RALYL: variants seen among roughly 807,000 people sequenced by gnomAD.
RALYL encodes the protein RNA-binding Raly-like protein.
Under a neutral mutation model 35.1 loss-of-function variants are expected in RALYL, and 29 were observed. That is an observed-to-expected ratio of 0.83 (90% CI 0.61 to 1.13). The LOEUF is 1.13. Ranked by LOEUF, RALYL falls within the 50% of genes most tolerant of loss-of-function variation. The pLI is 0.00. For missense variants in RALYL, 359 were observed against 360.4 expected, an observed-to-expected ratio of 1.00 and a Z score of 0.03; for synonymous variants, 120 against 127.6, an observed-to-expected ratio of 0.94 and a Z score of 0.40.
At chr8:84,378,516 C>A (rs1012330136) in intron 1 of RALYL, among the ~76,000 whole-genome samples, 10 of 151,716 alleles carry the variant, frequency 6.6e-5, no homozygotes, top group Non-Finnish European at 1.5e-5. Context: ...AACTAGTATA[C>A]CCCTGAAAAC....
intron 6 of RALYL, among the ~76,000 whole-genome samples, chr8:84,870,818 T>C (rs1476800867): frequency 6.6e-6 from 1 of 152,108 alleles, no homozygotes; most frequent in Non-Finnish European, 1.5e-5. Context: ...ATAGTGACTC[T>C]GCATGAAGAA....
chr8:84,476,807 A>G (rs947552454), intron 1 of RALYL, among the ~76,000 whole-genome samples: 13 of 152,204 alleles, frequency 8.5e-5, no homozygotes, highest in Admixed American at 7.9e-4. Flanking sequence ...GCACAACATT[A>G]AGGAGAAGTT....
chr8:84,671,620 T>C (rs1417412032), intron 2 of RALYL, among the ~76,000 whole-genome samples: 2 of 152,196 alleles, frequency 1.3e-5, no homozygotes, highest in Non-Finnish European at 2.9e-5. Context: ...CTGCCACAGC[T>C]TGGGGCTTCC....
intron 4 of RALYL, among the ~76,000 whole-genome samples, chr8:84,836,918 A>T (rs1234787238): frequency 1.3e-5 from 2 of 152,220 alleles, no homozygotes. Context: ...AAGAGAGAGA[A>T]TAATCTCCAT....
At chr8:84,395,700 C>T (rs1016545622) in intron 1 of RALYL, among the ~76,000 whole-genome samples, 2 of 149,616 alleles carry the variant, frequency 1.3e-5, no homozygotes, top group Non-Finnish European at 3.0e-5. Context: ...TAGGTAGAGT[C>T]TAATAACAGA....
At chr8:84,339,574 T>G (rs1848412233) in intron 1 of RALYL, among the ~76,000 whole-genome samples, 1 of 151,924 alleles carries the variant, frequency 6.6e-6, no homozygotes, top group Non-Finnish European at 1.5e-5. Context: ...TATATTACAA[T>G]GTAATAATAA....
At chr8:84,777,301 G>A (rs867405571) in intron 3 of RALYL, among the ~76,000 whole-genome samples, 1 of 152,134 alleles carries the variant, frequency 6.6e-6, no homozygotes, top group Non-Finnish European at 1.5e-5. Context: ...AACACAGATA[G>A]GGAAAGTAGA....
intron 1 of RALYL, among the ~76,000 whole-genome samples, chr8:84,266,135 A>G (rs941278401): frequency 3.3e-5 from 5 of 152,000 alleles, no homozygotes; most frequent in Non-Finnish European, 5.9e-5. Context: ...ATCTCAGTAT[A>G]TTTCTACAGA....
intron 1 of RALYL, among the ~76,000 whole-genome samples, chr8:84,438,829 T>C (rs2048020708): frequency 6.6e-6 from 1 of 152,178 alleles, no homozygotes; most frequent in Non-Finnish European, 1.5e-5. Flanking sequence ...GCACCATTGA[T>C]TGAAAATGAA....
intron 1 of RALYL, among the ~76,000 whole-genome samples, chr8:84,279,991 A>G (rs1361854745): frequency 2.0e-5 from 3 of 152,214 alleles, no homozygotes; most frequent in African/African-American, 7.2e-5. Context: ...GAGTGAATAT[A>G]GATAACAGAA....
chr8:84,526,421 T>C (rs1374408464), intron 1 of RALYL, among the ~76,000 whole-genome samples: 3 of 152,196 alleles, frequency 2.0e-5, no homozygotes, highest in Non-Finnish European at 4.4e-5. Context: ...CTCACCCTTC[T>C]GATGCCTAAA....
At chr8:84,501,853 A>G (rs946003294) in intron 1 of RALYL, among the ~76,000 whole-genome samples, 2 of 150,308 alleles carry the variant, frequency 1.3e-5, no homozygotes, top group Non-Finnish European at 3.0e-5. Flanking sequence ...TCCTAAGCCT[A>G]TATATAATAT....
chr8:84,263,414 T>A (rs774174068), intron 1 of RALYL, among the ~76,000 whole-genome samples: 1 of 152,192 alleles, frequency 6.6e-6, no homozygotes, highest in Non-Finnish European at 1.5e-5. Flanking sequence ...ATTACTTGTA[T>A]GTTGTGACAT....
At chr8:84,815,002 C>T (rs1156613994) in intron 4 of RALYL, among the ~76,000 whole-genome samples, 1 of 152,328 alleles carries the variant, frequency 6.6e-6, no homozygotes, top group East Asian at 1.9e-4. Context: ...GTGCTTTCAT[C>T]CACCTCCATT....
intron 1 of RALYL, among the ~76,000 whole-genome samples, chr8:84,513,316 GT>G (rs1318162775): frequency 6.6e-6 from 1 of 151,926 alleles, no homozygotes; most frequent in East Asian, 1.9e-4. Context: ...TTTTTAGCTA[GT>G]TTGTTATTAT....
At position 84,679,658 on chromosome 8, in the gene RALYL, G is replaced by C. The variant is rs1249236928; in HGVS notation, c.257-94921G>C. The C allele has an allele frequency of 4.9e-5, 24 of 494,454 alleles. 1 individual carries two copies. Among genetic ancestry groups the C allele is most frequent in the South Asian group, 3.4e-4 (22 of 65,082 alleles). The allele number at this position is 494,454 out of a possible 1,614,324, so 30.6% of individuals were successfully genotyped here. A position where few individuals can be genotyped will look rare whatever the true frequency, so the allele number is the denominator to read the frequency against. On this transcript the variant is annotated intron_variant, in intron 2 of 8. Transcript: ENST00000521268. ...TGATGATGGTGCTGGAGGTGACAAT[G>C]AAGTACAGAGAAAAATGTGAGAACT...
At chr8:84,407,656 G>A (rs369999879) in intron 1 of RALYL, among the ~76,000 whole-genome samples, 75 of 152,008 alleles carry the variant, frequency 4.9e-4, no homozygotes, top group African/African-American at 1.7e-3. Context: ...TGGGTTTGAG[G>A]AAAACAAATT....
At chr8:84,894,069 G>T (rs1443689535) in intron 8 of RALYL, among the ~76,000 whole-genome samples, 1 of 152,144 alleles carries the variant, frequency 6.6e-6, no homozygotes, top group Non-Finnish European at 1.5e-5. Flanking sequence ...CAATCCTGCA[G>T]TTGAAGACAA....
chr8:84,826,554 G>A (rs1310229713), intron 4 of RALYL, among the ~76,000 whole-genome samples: 1 of 152,090 alleles, frequency 6.6e-6, no homozygotes, highest in Non-Finnish European at 1.5e-5. Flanking sequence ...AGGCCAGTAT[G>A]AGACTGCTCT....
Sources: gnomAD v4.1 joint callset for allele counts (sites outside exome capture counted in the v4.1 genomes callset) on GRCh38, gnomAD v4.1.1 for gene constraint, MANE v1.5 for transcripts, NCBI Gene and HGNC (gene_info 2026-07-23, HGNC 2026-07-21) for gene names.